Variants in MAX observed in about 807,000 individuals in gnomAD.
The protein encoded by MAX is protein max.
MAX carries 3 observed loss-of-function variants against 22.3 expected under a neutral mutation model. That is an observed-to-expected ratio of 0.13 (90% CI 0.06 to 0.35). The LOEUF (loss-of-function observed/expected upper bound fraction) is 0.35. MAX is among the 10% of genes least tolerant of loss of function. The pLI is 1.00. For synonymous variants in MAX, 72 were observed against 77.7 expected, an observed-to-expected ratio of 0.93 and a Z score of 0.39; for missense variants, 119 against 209.4, an observed-to-expected ratio of 0.57 and a Z score of 2.66.
At chr14:65,102,001 C>T (rs1018809027) in intron 1 of MAX, among the ~76,000 whole-genome samples, 25 of 152,196 alleles carry the variant, frequency 1.6e-4, no homozygotes, top group Non-Finnish European at 2.1e-4. Context: ...GCCCCCCATC[C>T]TTGTCCCCCG....
At position 65,076,939 on chromosome 14, in the gene MAX, C is replaced by T; in HGVS notation, c.296-276G>A. On this transcript the variant is annotated intron_variant, in intron 4 of 4. Transcript: ENST00000358664. The surrounding 1 kb of genome is among the most constrained non-coding windows in gnomAD (Gnocchi z 6.6). ...GATGTCACCGTCCTGCCGTGGAAGCCCCGTGGAGAGACTGGAGCGTGAGCT... is the reference window on the plus strand; with the variant it reads ...GATGTCACCGTCCTGCCGTGGAAGCTCCGTGGAGAGACTGGAGCGTGAGCT... 9 of 575,818 alleles carry T rather than the reference C, an allele frequency of 1.6e-5. No individual in the cohort carries two copies. The highest frequency in any genetic ancestry group is 2.8e-5 in the Non-Finnish European group (9 of 322,256). 35.7% of individuals were successfully genotyped at this position (575,818 alleles called of 1,614,324 possible). A position where few individuals can be genotyped will look rare whatever the true frequency, so the allele number is the denominator to read the frequency against.
intron 3 of MAX, among the ~76,000 whole-genome samples, chr14:65,058,322 TTTC>T (rs772594661): frequency 2.7e-4 from 41 of 152,254 alleles, no homozygotes; most frequent in Admixed American, 1.4e-3. Context: ...ACTGGAATCT[TTTC>T]TTATTTTCAG....
chr14:65,098,069 A>G (rs1481567494), intron 2 of MAX, among the ~76,000 whole-genome samples: 3 of 152,204 alleles, frequency 2.0e-5, no homozygotes, highest in African/African-American at 7.2e-5. Flanking sequence ...ATTTTAATTA[A>G]AAACCAAGCT....
intron 3 of MAX, among the ~76,000 whole-genome samples, chr14:65,046,514 GC>G (rs2062482184): frequency 6.6e-6 from 1 of 152,220 alleles, no homozygotes; most frequent in Non-Finnish European, 1.5e-5. Flanking sequence ...GTTCTAGGGG[GC>G]TTAGTGGCAT....
At chr14:65,052,198 A>G (rs1430998963) in intron 3 of MAX, among the ~76,000 whole-genome samples, 1 of 152,188 alleles carries the variant, frequency 6.6e-6, no homozygotes, top group African/African-American at 2.4e-5. Flanking sequence ...CTATATGGCT[A>G]TTCACAGTGA....
chr14:65,035,285 G>A (rs2062163500), intron 3 of MAX, among the ~76,000 whole-genome samples: 2 of 152,092 alleles, frequency 1.3e-5, no homozygotes, highest in African/African-American at 4.8e-5. Flanking sequence ...GGGAAGGGAG[G>A]GACTAACTGC....
chr14:65,088,962 TA>T lies in MAX; in HGVS notation c.171+4745del, dbSNP rs2063419729. ...TCTACCTGTTAAGAAAACCAGATTT[TA>T]ATGGAAATGAAACTGAGATTAACTC... On this transcript the variant is annotated intron_variant, in intron 3 of 4. Coordinates refer to ENST00000358664, the MANE Select transcript of MAX (RefSeq NM_002382.5). The surrounding 1 kb of genome is among the most constrained non-coding windows in gnomAD (Gnocchi z 5.2). Among the ~76,000 whole-genome samples, 1 of 152,206 alleles carries T rather than the reference TA, an allele frequency of 6.6e-6. No individual in the cohort carries two copies. The highest frequency in any genetic ancestry group is 1.5e-5 in the Non-Finnish European group (1 of 68,026).
At chr14:65,091,965 A>C (rs1351049555) in intron 3 of MAX, 3 of 152,252 alleles carry the variant, frequency 2.0e-5, no homozygotes, top group Non-Finnish European at 4.4e-5. Context: ...TGAGTAAATA[A>C]ATGAGCCACA....
chr14:65,035,452 C>T (rs1049669219), intron 3 of MAX, among the ~76,000 whole-genome samples: 1 of 152,176 alleles, frequency 6.6e-6, no homozygotes, highest in Non-Finnish European at 1.5e-5. Context: ...AGATACGGAA[C>T]TCAGACAGCC....
At chr14:65,048,725 C>G (rs1391162620) in intron 3 of MAX, among the ~76,000 whole-genome samples, 1 of 152,110 alleles carries the variant, frequency 6.6e-6, no homozygotes, top group Non-Finnish European at 1.5e-5. Flanking sequence ...CATGGTGGCA[C>G]ATGCCTGTAG....
chr14:65,059,370 C>T (rs1466625596), intron 3 of MAX, among the ~76,000 whole-genome samples: 3 of 151,570 alleles, frequency 2.0e-5, no homozygotes, highest in African/African-American at 7.3e-5. Context: ...TTGTATAGAT[C>T]AGAGATTATC....
Position 65,054,286 on chromosome 14 carries a change from A to G in MAX, c.171+39422T>C, listed in dbSNP as rs909516147. Among the ~76,000 whole-genome samples, 1 of 151,724 alleles carries G rather than the reference A, an allele frequency of 6.6e-6. No individual in the cohort carries two copies. Among genetic ancestry groups the G allele is most frequent in the African/African-American group, 2.4e-5 (1 of 41,296 alleles). ...GGCCACCACACCTAGCTAATTTTTA[A>G]TTTTTTGTAGAGACGGGGTCTCCCA... On this transcript the variant is annotated intron_variant, in intron 3 of 3. Coordinates refer to the MAX transcript ENST00000341653. The surrounding 1 kb of genome is among the most constrained non-coding windows in gnomAD (Gnocchi z 4.4).
rs530309513 is a variant in MAX, at chr14:65,097,395, T to C, written c.64-3580A>G. 3.3e-5 allele frequency among the ~76,000 whole-genome samples: 5 copies of C among 152,356 alleles called. No individual in the cohort carries two copies. In the South Asian group the frequency reaches 1.0e-3, roughly 32 times the overall value. On this transcript the variant is annotated intron_variant, in intron 2 of 4. Coordinates refer to ENST00000358664, the MANE Select transcript of MAX (RefSeq NM_002382.5). Reference sequence around the variant, plus strand: ...GGCATCACATCAGTCAGTAATCTTATTTCCTCCAAGTTCTAGGCAAATAGC... The same window carrying C: ...GGCATCACATCAGTCAGTAATCTTACTTCCTCCAAGTTCTAGGCAAATAGC...
chr14:65,038,944 TCTTA>T (rs1315053745), intron 3 of MAX, among the ~76,000 whole-genome samples: 2 of 152,218 alleles, frequency 1.3e-5, no homozygotes, highest in African/African-American at 4.8e-5. Flanking sequence ...CTCTCAATAG[TCTTA>T]CTTCATATAA....
intron 3 of MAX, among the ~76,000 whole-genome samples, chr14:65,045,967 C>A (rs2062467617): frequency 6.6e-6 from 1 of 152,140 alleles, no homozygotes; most frequent in South Asian, 2.1e-4. Context: ...AGGAATTCCC[C>A]AAGTCAAACA....
At position 65,075,762 on chromosome 14, in the gene MAX, T is replaced by C. The variant is rs1293675431; in HGVS notation, c.*714A>G. 9.4e-7 allele frequency: 1 copy of C among 1,066,118 alleles called. No homozygotes were observed. The highest frequency in any genetic ancestry group is 1.6e-5 in the African/African-American group (1 of 61,066). The allele number at this position is 1,066,118 out of a possible 1,614,324, so 66.0% of individuals were successfully genotyped here. On this transcript the variant is annotated 3_prime_UTR_variant, in exon 5 of 5. Coordinates refer to ENST00000358664, the MANE Select transcript of MAX (RefSeq NM_002382.5). The surrounding 1 kb of genome is among the most constrained non-coding windows in gnomAD (Gnocchi z 4.1). ...TGGCTGCTGCTTCACTGCTGCCATC[T>C]CCCATACATACCACGAGAGTGTCAC...
intron 1 of MAX, 97 bp from the exon 2 acceptor site, chr14:65,101,669 C>G (rs1352147877): frequency 1.0e-6 from 1 of 966,200 alleles, no homozygotes; most frequent in Non-Finnish European, 1.6e-6. Flanking sequence ...GCAGAGGAAG[C>G]GGAGGGTGGG....
downstream of MAX, among the ~76,000 whole-genome samples, chr14:65,072,154 C>G (rs2062994063): frequency 6.6e-6 from 1 of 152,156 alleles, no homozygotes; most frequent in East Asian, 1.9e-4. Flanking sequence ...GAGAATGCAT[C>G]CTGGTGACCA....
At chr14:65,042,149 C>T (rs985669246) in intron 3 of MAX, among the ~76,000 whole-genome samples, 2 of 151,764 alleles carry the variant, frequency 1.3e-5, no homozygotes, top group African/African-American at 4.8e-5. Flanking sequence ...GCACAAGGGA[C>T]CAGTTTTGTG....
Sources: allele counts gnomAD v4.1 joint callset (sites outside exome capture counted in the v4.1 genomes callset), GRCh38; gene constraint gnomAD v4.1.1; non-coding constraint Gnocchi (gnomAD v3.1); transcripts MANE v1.5; gene names NCBI Gene and HGNC (gene_info 2026-07-23, HGNC 2026-07-21).